The following VIPR1 variants were observed in gnomAD, a reference collection of about 807,000 sequenced individuals.
VIPR1 encodes vasoactive intestinal polypeptide receptor 1.
In VIPR1, 59 loss-of-function variants were observed where a neutral mutation model predicts 58.8. The ratio of observed to expected loss-of-function variants is 1.00; its 90% CI spans 0.81 to 1.25. VIPR1 has a LOEUF of 1.25. VIPR1 is among the 50% of genes most tolerant of loss of function. The pLI is 0.00. For synonymous variants in VIPR1, 251 were observed against 242.1 expected (o/e 1.04, Z -0.34); for missense variants, 626 against 602.7 (o/e 1.04, Z -0.40).
intron 1 of VIPR1, among the ~76,000 whole-genome samples, chr3:42,503,620 G>A (rs567262482): frequency 6.6e-6 from 1 of 152,310 alleles, no homozygotes; most frequent in African/African-American, 2.4e-5. Flanking sequence ...GGAGGCAGAT[G>A]CTGATTGAGG....
At chr3:42,499,781 C>T (rs144388816), upstream of VIPR1, among the ~76,000 whole-genome samples, 25 of 152,266 alleles carry the variant, frequency 1.6e-4, no homozygotes, top group East Asian at 4.3e-3. Flanking sequence ...TCTGACATCC[C>T]TCTTCCTCCA....
intron 1 of VIPR1, among the ~76,000 whole-genome samples, chr3:42,508,551 C>A (rs7621567): frequency 2.0e-5 from 3 of 152,168 alleles, no homozygotes; most frequent in Non-Finnish European, 4.4e-5. Flanking sequence ...ACCTGTGTCA[C>A]CACTGCCCAG....
rs1701769085 is a variant in VIPR1 at position 42,535,029 on chromosome 3, C to T, written c.1065C>T (p.Ile355=). 2 of 1,614,204 alleles carry T rather than the reference C, an allele frequency of 1.2e-6. No homozygotes were observed. Among genetic ancestry groups the T allele is most frequent in the Non-Finnish European group, 1.7e-6 (2 of 1,180,020 alleles). The change falls in exon 11 of 13, where the codon ATC becomes ATT. Residue 355 remains isoleucine (I), a synonymous_variant. Transcript: ENST00000325123. ...LLIPLFGVHY[I]MFAFFPDNFK... ...TCCCCCTGTTTGGAGTACACTACATCATGTTCGCCTTCTTTCCGGACAATT... is the reference window on the plus strand; with the variant it reads ...TCCCCCTGTTTGGAGTACACTACATTATGTTCGCCTTCTTTCCGGACAATT...
chr3:42,513,057 C>T (rs1342074434), intron 1 of VIPR1: 1 of 820,840 alleles, frequency 1.2e-6, no homozygotes, highest in African/African-American at 1.9e-5. Context: ...CTTCACCTTC[C>T]AGAAGCAGGG....
At chr3:42,507,007 GC>G (rs1700148097) in intron 1 of VIPR1, 1 of 152,220 alleles carries the variant, frequency 6.6e-6, no homozygotes, top group African/African-American at 2.4e-5. Flanking sequence ...ATTAATATAT[GC>G]TTCATTTGCT....
chr3:42,522,723 C>A (rs1322525577), intron 3 of VIPR1, among the ~76,000 whole-genome samples: 1 of 152,212 alleles, frequency 6.6e-6, no homozygotes, highest in East Asian at 1.9e-4. Flanking sequence ...GGGGCTCCTA[C>A]CTAATCCAGG....
At chr3:42,493,747 G>A (rs991281777) in intron 1 of VIPR1, among the ~76,000 whole-genome samples, 3 of 152,236 alleles carry the variant, frequency 2.0e-5, no homozygotes, top group Non-Finnish European at 2.9e-5. Context: ...TGCTCTGCAA[G>A]GATCAGGATA....
intron 3 of VIPR1, among the ~76,000 whole-genome samples, chr3:42,522,981 G>A (rs536449173): frequency 6.6e-6 from 1 of 152,278 alleles, no homozygotes; most frequent in Non-Finnish European, 1.5e-5. Context: ...GTGAAGCCCA[G>A]CCCAAGTGAC....
At chr3:42,504,376 C>T (rs1441460984) in intron 1 of VIPR1, among the ~76,000 whole-genome samples, 2 of 152,082 alleles carry the variant, frequency 1.3e-5, no homozygotes, top group East Asian at 3.9e-4. Context: ...CAATGCCTAC[C>T]CTCCCCCTGT....
intron 1 of VIPR1, chr3:42,507,883 C>T (rs765559305): frequency 6.7e-6 from 1 of 149,332 alleles, no homozygotes; most frequent in Non-Finnish European, 1.5e-5. Flanking sequence ...CCATCCCCAT[C>T]AACACTCACA....
At chr3:42,527,607 A>G (rs1424309695) in intron 5 of VIPR1, 111 bp downstream of exon 5, 2 of 996,206 alleles carry the variant, frequency 2.0e-6, no homozygotes, top group Non-Finnish European at 3.0e-6. Context: ...GTTGCCCCCC[A>G]GCAGCACATA....
At chr3:42,519,353 G>A (rs1404386200) in intron 3 of VIPR1, 23 bp downstream of exon 3, 2 of 1,578,032 alleles carry the variant, frequency 1.3e-6, no homozygotes, top group South Asian at 2.3e-5. Flanking sequence ...GGTTGAAGAG[G>A]TGATGTGAGT....
At chr3:42,509,680 G>C (rs946299066) in intron 1 of VIPR1, 22 of 152,252 alleles carry the variant, frequency 1.4e-4, no homozygotes, top group African/African-American at 5.3e-4. Flanking sequence ...GCCCAGAAGG[G>C]ACCCAGGCTG....
At chr3:42,509,534 C>T (rs536232290) in intron 1 of VIPR1, among the ~76,000 whole-genome samples, 1 of 152,324 alleles carries the variant, frequency 6.6e-6, no homozygotes, top group African/African-American at 2.4e-5. Context: ...TCTCTCTAGC[C>T]CCTCACCAAT....
upstream of VIPR1, among the ~76,000 whole-genome samples, chr3:42,499,641 G>T (rs1699828886): frequency 6.6e-6 from 1 of 152,118 alleles, no homozygotes; most frequent in African/African-American, 2.4e-5. Flanking sequence ...GGCGACTATG[G>T]CTCTCCTCCT....
At chr3:42,532,043 G>A (rs760375215) in intron 9 of VIPR1, 174 bp downstream of exon 9, 57 of 910,092 alleles carry the variant, frequency 6.3e-5, no homozygotes, top group African/African-American at 1.5e-4. Flanking sequence ...GAGCGTAAGC[G>A]GATTGGGAGC....
chr3:42,515,782 C>A (rs899214458), intron 2 of VIPR1, among the ~76,000 whole-genome samples: 7 of 152,190 alleles, frequency 4.6e-5, no homozygotes, highest in African/African-American at 1.7e-4. Flanking sequence ...CTCTGAGTAT[C>A]TTTGTGAGTC....
intron 10 of VIPR1, chr3:42,534,672 T>G: frequency 4.4e-6 from 1 of 226,596 alleles, no homozygotes. Flanking sequence ...GTTAGCATCA[T>G]TCTCACTGGC....
intron 2 of VIPR1, among the ~76,000 whole-genome samples, chr3:42,515,720 T>C (rs1241063099): frequency 6.6e-6 from 1 of 152,242 alleles, no homozygotes; most frequent in Non-Finnish European, 1.5e-5. Context: ...TCCTGGCCCA[T>C]GTCTGTCTGG....
Sources: gnomAD v4.1 joint callset for allele counts (sites outside exome capture counted in the v4.1 genomes callset) on GRCh38, gnomAD v4.1.1 for gene constraint, MANE v1.5 for transcripts, NCBI Gene and HGNC (gene_info 2026-07-23, HGNC 2026-07-21) for gene names.